Variants in NCAPD2 observed in about 807,000 individuals in gnomAD.
NCAPD2 encodes condensin complex subunit 1.
A neutral mutation model predicts 164.5 loss-of-function variants in NCAPD2; 100 were observed. The ratio of observed to expected loss-of-function variants is 0.61; its 90% CI spans 0.52 to 0.72. The LOEUF (loss-of-function observed/expected upper bound fraction) is 0.72. NCAPD2 is among the 30% of genes least tolerant of loss of function. The pLI is 0.00. For synonymous variants in NCAPD2, 585 were observed against 642.6 expected (o/e 0.91, Z 1.36); for missense variants, 1,560 against 1,749.2 (o/e 0.89, Z 1.93).
intron 2 of NCAPD2, among the ~76,000 whole-genome samples, chr12:6,504,384 G>T (rs1946079625): frequency 6.6e-6 from 1 of 151,286 alleles, no homozygotes; most frequent in Non-Finnish European, 1.5e-5. Context: ...TAACATAACA[G>T]TTTTTTTATT....
chr12:6,526,947 G>A lies in NCAPD2; in HGVS notation c.2791G>A (p.Gly931Arg). The A allele has an allele frequency of 1.2e-6, 2 of 1,614,122 alleles. No individual in the cohort carries two copies. The highest frequency in any genetic ancestry group is 1.7e-6 in the Non-Finnish European group (2 of 1,180,018). Residue 931 changes from glycine (G) to arginine (R), a missense_variant, in exon 22 of 32, where the codon GGG (glycine) becomes AGG (arginine). Gly to Arg is a moderately radical substitution (Grantham distance 125). Transcript: ENST00000315579. ...GTTGATGAACCTGCTGTCCCTGGCT[G>A]GGGATGTGGCTCTGCAGCAGCTGGT... ...FLLMNLLSLAGDVALQQLVHL... is the reference protein window; with the variant it reads ...FLLMNLLSLARDVALQQLVHL...
chr12:6,510,668 A>G lies in NCAPD2; in HGVS notation c.302A>G (p.Asp101Gly), dbSNP rs766111488. 1.2e-6 allele frequency: 2 copies of G among 1,614,174 alleles called. No individual in the cohort carries two copies. Among genetic ancestry groups the G allele is most frequent in the Admixed American group, 3.3e-5 (2 of 60,026 alleles). Residue 101 changes from aspartate (D) to glycine (G), a missense_variant, in exon 5 of 32, where the codon GAT (aspartate) becomes GGT (glycine). By Grantham distance (94) the Asp-to-Gly change is moderately conservative. Coordinates refer to ENST00000315579, the MANE Select transcript of NCAPD2 (RefSeq NM_014865.4). Reference sequence around the variant, plus strand: ...TCCCAGGAGCTTCCAGCTATCCTGGATGATACAACTTTGAGTGGATCAGAT... The same window carrying G: ...TCCCAGGAGCTTCCAGCTATCCTGGGTGATACAACTTTGAGTGGATCAGAT... Reference protein sequence around the residue: ...RHSQELPAILDDTTLSGSDRN... With the variant: ...RHSQELPAILGDTTLSGSDRN...
Position 6,495,226 on chromosome 12 carries a change from G to A in NCAPD2, c.127+1G>A. On this transcript the variant is annotated splice_donor_variant, in intron 2 of 31. Coordinates refer to ENST00000315579, the MANE Select transcript of NCAPD2 (RefSeq NM_014865.4). LOFTEE classifies it high-confidence loss of function. ...AAACATCTTCCACCACAGCTTAGAG[G>A]TAAGAGTCCATAGCTGTCACTGTAC... The A allele has an allele frequency of 6.2e-7, 1 of 1,614,056 alleles. No homozygotes were observed. The highest frequency in any genetic ancestry group is 8.5e-7 in the Non-Finnish European group (1 of 1,179,938).
At chr12:6,496,161 C>T (rs986332001) in intron 2 of NCAPD2, among the ~76,000 whole-genome samples, 5 of 150,988 alleles carry the variant, frequency 3.3e-5, no homozygotes, top group Non-Finnish European at 5.9e-5. Context: ...CAGGCTCAAG[C>T]GATTCTCCTG....
intron 2 of NCAPD2, among the ~76,000 whole-genome samples, chr12:6,503,941 G>A (rs907097941): frequency 6.6e-6 from 1 of 151,932 alleles, no homozygotes; most frequent in Non-Finnish European, 1.5e-5. Flanking sequence ...TCATGCCACT[G>A]CACTCCAGCC....
chr12:6,522,798 G>A (rs1197001939), intron 15 of NCAPD2, 30 bp from the exon 16 acceptor site: 1 of 1,609,168 alleles, frequency 6.2e-7, no homozygotes, highest in African/African-American at 1.3e-5. Context: ...TTGTGAAGTA[G>A]ATAGGTGACA....
chr12:6,531,297 T>C lies in NCAPD2; in HGVS notation c.4121-30T>C. Reference sequence around the variant, plus strand: ...TTTTTCACCATCTTTGTGACTCAGCTTTTTCTTATTCCTTTAATTCTTTGC... The same window carrying C: ...TTTTTCACCATCTTTGTGACTCAGCCTTTTCTTATTCCTTTAATTCTTTGC... On this transcript the variant is annotated intron_variant, in intron 31 of 31. Coordinates refer to ENST00000315579, the MANE Select transcript of NCAPD2 (RefSeq NM_014865.4). This position sits in a 1 kb window ranked among gnomAD's most constrained non-coding sequence, Gnocchi z 4.1. The C allele has an allele frequency of 6.2e-7, 1 of 1,602,128 alleles. No individual in the cohort carries two copies. The highest frequency in any genetic ancestry group is 8.5e-7 in the Non-Finnish European group (1 of 1,172,012).
Position 6,517,831 on chromosome 12 carries a change from G to A in NCAPD2, c.1461G>A (p.Lys487=), listed in dbSNP as rs574035273. ...EEWEAMLPEL[K]STLQQLLQLP... ...GGGAAGCCATGCTGCCAGAGTTGAA[G>A]TCTACCCTGCAGCAGCTTCTACAGC... The change falls in exon 13 of 32, where the codon AAG becomes AAA. Residue 487 remains lysine, a synonymous_variant. Coordinates refer to ENST00000315579, the MANE Select transcript of NCAPD2 (RefSeq NM_014865.4). 6 of 1,614,042 alleles carry A rather than the reference G, an allele frequency of 3.7e-6. No individual in the cohort carries two copies. Among genetic ancestry groups the A allele is most frequent in the South Asian group, 1.1e-5 (1 of 91,092 alleles).
chr12:6,504,208 T>TACACATATATATACAC, intron 2 of NCAPD2, among the ~76,000 whole-genome samples: 1 of 22,574 alleles, frequency 4.4e-5, no homozygotes, highest in African/African-American at 4.2e-4. Flanking sequence ...TATATATATA[T>TACACATATATATACAC]ATATATATAG....
intron 13 of NCAPD2, among the ~76,000 whole-genome samples, chr12:6,518,543 G>A (rs1327246725): frequency 6.2e-5 from 1 of 16,066 alleles, no homozygotes; most frequent in Non-Finnish European, 1.1e-4. Context: ...TTGAGATGGA[G>A]TCTCACTCAC....
intron 2 of NCAPD2, 66 bp from the exon 3 acceptor site, chr12:6,509,651 A>G: frequency 7.0e-7 from 1 of 1,429,472 alleles, no homozygotes; most frequent in South Asian, 1.2e-5. Flanking sequence ...GTTTTCTGCC[A>G]TGGATAGAAT....
chr12:6,504,212 T>TATATATATATACACAC (rs1946075081), intron 2 of NCAPD2, among the ~76,000 whole-genome samples: 2 of 21,736 alleles, frequency 9.2e-5, no homozygotes, highest in African/African-American at 6.7e-4. Context: ...TATATATATA[T>TATATATATATACACAC]ATATAGATAT....
At chr12:6,530,077 G>A (rs1311323450) in intron 29 of NCAPD2, 119 bp downstream of exon 29, 4 of 1,146,306 alleles carry the variant, frequency 3.5e-6, no homozygotes, top group Non-Finnish European at 4.8e-6. Flanking sequence ...CCCCAGCTGG[G>A]TTGCAACCAA....
rs745699937 is a variant in NCAPD2, at chr12:6,528,838, C to T, written c.3459C>T (p.Phe1153=). ...PQIAALAKNF[F]NELSHKGNAI... ...TTGCTGCCCTGGCCAAGAACTTCTT[C>T]AATGAGCTCTCCCACAAGGTGAGAG... Residue 1153 remains phenylalanine, a synonymous_variant, in exon 26 of 32, where the codon TTC becomes TTT. Coordinates refer to ENST00000315579, the MANE Select transcript of NCAPD2 (RefSeq NM_014865.4). The surrounding 1 kb of genome is among the most constrained non-coding windows in gnomAD (Gnocchi z 5.1). 9.9e-6 allele frequency: 16 copies of T among 1,613,644 alleles called. No homozygotes were observed. In the South Asian group the frequency reaches 1.4e-4, roughly 14 times the overall value.
chr12:6,506,324 A>G (rs1326311858), intron 2 of NCAPD2, among the ~76,000 whole-genome samples: 1 of 152,096 alleles, frequency 6.6e-6, no homozygotes, highest in African/African-American at 2.4e-5. Context: ...ACGGTGGCTC[A>G]ACCCCTGTAA....
chr12:6,509,811 T>C lies in NCAPD2; in HGVS notation c.203+19T>C. 1 of 1,610,682 alleles carries C rather than the reference T, an allele frequency of 6.2e-7. No individual in the cohort carries two copies. Among genetic ancestry groups the C allele is most frequent in the Non-Finnish European group, 8.5e-7 (1 of 1,177,768 alleles). On this transcript the variant is annotated intron_variant, in intron 3 of 31. Transcript: ENST00000315579. ...TTTTGCAGTAAGTGAAACACCCAAC[T>C]GGTACTTTAAAAAGAACTGGTGACT...
At position 6,513,715 on chromosome 12, in the gene NCAPD2, C is replaced by CTTTTTTTTTTTTTTTTTTTTTTTT. The variant is rs71067124; in HGVS notation, c.588-532_588-531insTTTTTTTTTTTTTTTTTTTTTTTT. Among the ~76,000 whole-genome samples the CTTTTTTTTTTTTTTTTTTTTTTTT allele has an allele frequency of 9.9e-3, 741 of 74,812 alleles. 195 individuals are homozygous for CTTTTTTTTTTTTTTTTTTTTTTTT. Among genetic ancestry groups the CTTTTTTTTTTTTTTTTTTTTTTTT allele is most frequent in the Middle Eastern group, 0.037 (5 of 136 alleles). The allele number at this position is 74,812 out of a possible 152,430, so 49.1% of individuals were successfully genotyped here. On this transcript the variant is annotated intron_variant, in intron 6 of 31. Transcript: ENST00000315579. ...AATGAGAAGTCATTGGTGACTTTGTCTTTTTTTTTTTTTTTTTTGTGATGG... is the reference window on the plus strand; with the variant it reads ...AATGAGAAGTCATTGGTGACTTTGTCTTTTTTTTTTTTTTTTTTTTTTTTTTTTTTTTTTTTTTTTTTGTGATGG...
chr12:6,494,938 T>TA, intron 1 of NCAPD2, 138 bp from the exon 2 acceptor site: 1 of 800,016 alleles, frequency 1.2e-6, no homozygotes, highest in Non-Finnish European at 2.0e-6. Context: ...GGTGGGGAAC[T>TA]AACAAAACCA....
intron 13 of NCAPD2, among the ~76,000 whole-genome samples, chr12:6,518,504 G>GTTTTTTTTTTTTTTTGTT (rs1946227130): frequency 4.5e-5 from 2 of 44,774 alleles, no homozygotes; most frequent in African/African-American, 1.0e-4. Flanking sequence ...CCGTCAACAA[G>GTTTTTTTTTTTTTTTGTT]TTTTTTTTTT....
Sources: gnomAD v4.1 joint callset for allele counts (sites outside exome capture counted in the v4.1 genomes callset) on GRCh38, gnomAD v4.1.1 for gene constraint, Gnocchi (gnomAD v3.1) non-coding constraint, MANE v1.5 for transcripts, NCBI Gene and HGNC (gene_info 2026-07-23, HGNC 2026-07-21) for gene names.